The following COL14A1 variants were observed in gnomAD, a reference collection of about 807,000 sequenced individuals.
The protein encoded by COL14A1 is collagen type XIV alpha 1 chain.
COL14A1 carries 136 observed loss-of-function variants against 230.3 expected under a neutral mutation model. That is an observed-to-expected ratio of 0.59 (90% CI 0.51 to 0.68). The LOEUF (loss-of-function observed/expected upper bound fraction) is 0.68. Ranked by LOEUF, COL14A1 falls within the 30% of genes least tolerant of loss-of-function variation. The pLI, the probability that COL14A1 is intolerant of heterozygous loss-of-function variation, is 0.00. For missense variants in COL14A1, 1,976 were observed against 2,215.8 expected (o/e 0.89, Z 2.17); for synonymous variants, 792 against 784.1 (o/e 1.01, Z -0.17).
At chr8:120,128,305 C>T (rs920825244) in intron 1 of COL14A1, among the ~76,000 whole-genome samples, 2 of 150,190 alleles carry the variant, frequency 1.3e-5, no homozygotes, top group African/African-American at 2.4e-5. Flanking sequence ...TGGGTATCTG[C>T]CTTTTTCTCT....
intron 5 of COL14A1, among the ~76,000 whole-genome samples, chr8:120,194,579 A>G (rs780684627): frequency 7.9e-5 from 12 of 152,196 alleles, no homozygotes; most frequent in Non-Finnish European, 1.5e-4. Context: ...TTGTATTTCC[A>G]AGTCATTTCT....
chr8:120,197,358 G>T (rs1038509591), intron 6 of COL14A1, among the ~76,000 whole-genome samples: 2 of 151,874 alleles, frequency 1.3e-5, no homozygotes, highest in African/African-American at 4.8e-5. Context: ...AAGCAAAAAA[G>T]TTGTAAATCT....
intron 14 of COL14A1, among the ~76,000 whole-genome samples, chr8:120,223,006 G>C (rs1430976757): frequency 3.3e-5 from 5 of 152,174 alleles, no homozygotes; most frequent in Non-Finnish European, 7.3e-5. Context: ...TCATGATAGA[G>C]GAAGAAGGCC....
intron 36 of COL14A1, among the ~76,000 whole-genome samples, chr8:120,307,574 A>G (rs2130068084): frequency 6.6e-6 from 1 of 152,366 alleles, no homozygotes; most frequent in African/African-American, 2.4e-5. Flanking sequence ...ATTAAAGAGA[A>G]AAAGACATGT....
chr8:120,166,907 TGTGTGTGTGTGTGTG>T (rs1008964124), intron 4 of COL14A1, among the ~76,000 whole-genome samples: 15 of 149,440 alleles, frequency 1.0e-4, no homozygotes, highest in African/African-American at 3.0e-4. Context: ...TGTGTGTGTG[TGTGTGTGTGTGTGTG>T]GTGGTGATGA....
intron 45 of COL14A1, 63 bp downstream of exon 45, chr8:120,345,626 A>T: frequency 7.6e-7 from 1 of 1,318,566 alleles, no homozygotes. Flanking sequence ...GCAGAACATT[A>T]TAGTGGTTCT....
At chr8:120,299,548 A>G (rs1205959547) in intron 35 of COL14A1, among the ~76,000 whole-genome samples, 1 of 152,036 alleles carries the variant, frequency 6.6e-6, no homozygotes, top group Non-Finnish European at 1.5e-5. Flanking sequence ...TAAATTCCAT[A>G]GTAAAAAGAC....
At chr8:120,251,959 ATTG>A (rs147639523) in intron 22 of COL14A1, among the ~76,000 whole-genome samples, 7,549 of 151,950 alleles carry the variant, frequency 0.05, 281 homozygotes, top group African/African-American at 0.1. Context: ...TTAAGATATT[ATTG>A]TTGTTGTTTC....
At chr8:120,186,580 C>T (rs889019867) in intron 5 of COL14A1, among the ~76,000 whole-genome samples, 1 of 152,146 alleles carries the variant, frequency 6.6e-6, no homozygotes, top group Non-Finnish European at 1.5e-5. Flanking sequence ...AACTTAGCCT[C>T]CAGCATTAGG....
At chr8:120,229,051 G>C (rs1157744670) in intron 18 of COL14A1, among the ~76,000 whole-genome samples, 2 of 150,408 alleles carry the variant, frequency 1.3e-5, no homozygotes, top group African/African-American at 4.9e-5. Flanking sequence ...TAACGTAGCT[G>C]CCTCCCCAGG....
intron 42 of COL14A1, among the ~76,000 whole-genome samples, chr8:120,337,957 G>A (rs548025937): frequency 6.6e-6 from 1 of 152,304 alleles, no homozygotes; most frequent in Admixed American, 6.5e-5. Context: ...CCAGCATCAT[G>A]AGACTGAGTT....
At chr8:120,270,591 T>A (rs1819639186) in intron 26 of COL14A1, among the ~76,000 whole-genome samples, 1 of 151,822 alleles carries the variant, frequency 6.6e-6, no homozygotes, top group African/African-American at 2.4e-5. Flanking sequence ...TATCAAGGAT[T>A]TATTATGGCC....
intron 1 of COL14A1, among the ~76,000 whole-genome samples, chr8:120,128,232 T>C (rs139093414): frequency 0.4 from 45,308 of 112,312 alleles, 7,014 homozygotes; most frequent in African/African-American, 0.52. Context: ...CGCGCGCGTG[T>C]GTGTGTGTGT....
intron 31 of COL14A1, among the ~76,000 whole-genome samples, chr8:120,282,275 C>A (rs1820061845): frequency 6.6e-6 from 1 of 152,202 alleles, no homozygotes; most frequent in Admixed American, 6.5e-5. Context: ...GGATCCCCAG[C>A]AAATTAGATG....
intron 22 of COL14A1, among the ~76,000 whole-genome samples, chr8:120,251,115 C>A (rs1222922864): frequency 6.6e-6 from 1 of 152,164 alleles, no homozygotes; most frequent in African/African-American, 2.4e-5. Context: ...TTCACTCAAC[C>A]CTGCTTCCAT....
chr8:120,151,510 C>T lies in COL14A1; in HGVS notation c.88+3580C>T, dbSNP rs189376133. Among the ~76,000 whole-genome samples the T allele has an allele frequency of 1.9e-4, 29 of 151,764 alleles. No homozygotes were observed. In the East Asian group the frequency reaches 3.1e-3, roughly 16 times the overall value. On this transcript the variant is annotated intron_variant, in intron 2 of 47. Coordinates refer to ENST00000297848, the MANE Select transcript of COL14A1 (RefSeq NM_021110.4). ...AAAAAATTAGCTGGGCATGATGGTG[C>T]GCGCCTGTAGTCCCAGCTGCTCAGG...
intron 1 of COL14A1, among the ~76,000 whole-genome samples, chr8:120,126,464 GT>G (rs1335888329): frequency 6.6e-6 from 1 of 152,196 alleles, no homozygotes; most frequent in African/African-American, 2.4e-5. Context: ...ACTTCTGCAA[GT>G]TTTGGAGAGT....
At chr8:120,151,605 A>C (rs1815285169) in intron 2 of COL14A1, among the ~76,000 whole-genome samples, 2 of 133,888 alleles carry the variant, frequency 1.5e-5, no homozygotes, top group Admixed American at 9.5e-5. Context: ...GTGCCACTGC[A>C]CTCCAGCCTG....
Position 120,318,287 on chromosome 8 carries a change from A to G in COL14A1, c.4659+2290A>G, listed in dbSNP as rs567485875. ...GAATCCAGAAGAAGAGAGAACTTCA[A>G]TGGCAGAGGGAGACAGTTTGTGGAC... is the stretch of plus-strand genomic sequence containing the variant. On this transcript the variant is annotated intron_variant, in intron 40 of 47. Transcript: ENST00000297848. Among the ~76,000 whole-genome samples the G allele has an allele frequency of 2.1e-4, 32 of 152,348 alleles. No individual in the cohort carries two copies. The South Asian group carries it at 4.3e-3, about 21-fold the overall frequency.
Sources: gnomAD v4.1 joint callset for allele counts (sites outside exome capture counted in the v4.1 genomes callset) on GRCh38, gnomAD v4.1.1 for gene constraint, MANE v1.5 for transcripts, NCBI Gene and HGNC (gene_info 2026-07-23, HGNC 2026-07-21) for gene names.